CACNA1F: variants seen among roughly 807,000 people sequenced by gnomAD.
The protein encoded by CACNA1F is voltage-dependent L-type calcium channel subunit alpha-1F.
Under a neutral mutation model 143.8 loss-of-function variants are expected in CACNA1F, and 59 were observed. That is an observed-to-expected ratio of 0.41 (90% CI 0.33 to 0.51). The LOEUF is 0.51. Ranked by LOEUF, CACNA1F falls within the 20% of genes least tolerant of loss-of-function variation. CACNA1F has a pLI of 0.22. For missense variants in CACNA1F, 1,411 were observed against 1,647.5 expected (o/e 0.86, Z 2.48); for synonymous variants, 643 against 649.1 (o/e 0.99, Z 0.14).
intron 2 of CACNA1F, 65 bp from the exon 3 acceptor site, chrX:49,231,372 C>A: frequency 3.6e-6 from 3 of 836,468 alleles, no homozygotes; most frequent in Non-Finnish European, 5.3e-6. Flanking sequence ...CCCTTGGGAA[C>A]CTCCCACCCA....
chrX:49,215,043 A>C, intron 29 of CACNA1F, 43 bp downstream of exon 29: 1 of 1,156,853 alleles, frequency 8.6e-7, no homozygotes, highest in Non-Finnish European at 1.2e-6. Flanking sequence ...TGTGGAGATA[A>C]TAGGGTCAGG....
rs1355566456 is a variant in CACNA1F, at chrX:49,211,551, G to A, written c.4101-70C>T. 5 of 931,395 alleles carry A rather than the reference G, an allele frequency of 5.4e-6. No individual in the cohort carries two copies. The African/African-American group carries it at 9.7e-5, about 18-fold the overall frequency. 76.8% of individuals were successfully genotyped at this position (931,395 alleles called of 1,213,427 possible). On this transcript the variant is annotated intron_variant, in intron 35 of 47. Transcript: ENST00000323022. The stretch of plus-strand genomic sequence containing the variant: ...GAAGTCATGGTAAATGGAGTTGGGG[G>A]AGGACTGGGGAATGAGGAGATGACC...
Position 49,224,807 on chromosome X carries a change from A to T in CACNA1F, c.1831T>A (p.Ser611Thr). ...EVGAMQPLGI[S>T]VLRCVRLLRI... Reference sequence around the variant, plus strand: ...AGGAGGCGCACACATCGGAGCACTGAGATGCCCAAGGGCTGCATGGCACCC... The same window carrying T: ...AGGAGGCGCACACATCGGAGCACTGTGATGCCCAAGGGCTGCATGGCACCC... The change falls in exon 14 of 48, where the codon TCA (serine) becomes ACA (threonine). Residue 611 changes from serine to threonine, a missense_variant. Transcript: ENST00000323022. 8.4e-7 allele frequency: 1 copy of T among 1,195,377 alleles called. No individual in the cohort carries two copies. Among genetic ancestry groups the T allele is most frequent in the Non-Finnish European group, 1.1e-6 (1 of 886,300 alleles).
chrX:49,209,568 G>A, intron 41 of CACNA1F, 61 bp downstream of exon 41: 1 of 1,192,204 alleles, frequency 8.4e-7, no homozygotes, highest in Non-Finnish European at 1.1e-6. Context: ...CAAAATGGGG[G>A]TCAGCCTCAG....
chrX:49,220,993 T>C, intron 18 of CACNA1F, 42 bp downstream of exon 18: 1 of 1,063,301 alleles, frequency 9.4e-7, no homozygotes, highest in African/African-American at 1.8e-5. Flanking sequence ...CAGGTAGTGG[T>C]GGGAGTGGGA....
rs781882483 is a variant in CACNA1F at position 49,214,261 on chromosome X, C to T, written c.3606G>A (p.Glu1202=). 1 of 1,146,685 alleles carries T rather than the reference C, an allele frequency of 8.7e-7. No individual in the cohort carries two copies. The highest frequency in any genetic ancestry group is 1.8e-5 in the South Asian group (1 of 55,617). 94.5% of individuals were successfully genotyped at this position (1,146,685 alleles called of 1,213,427 possible). The part of the protein sequence containing the change: ...NTVALAMQHY[E]QTAPFNYAMD... ...TGGCATAGTTGAAGGGAGCAGTCTGCTCATAGTGCTGCAGGAGAAAATCAG... is the reference window on the plus strand; with the variant it reads ...TGGCATAGTTGAAGGGAGCAGTCTGTTCATAGTGCTGCAGGAGAAAATCAG... The change falls in exon 30 of 48, where the codon GAG becomes GAA. Residue 1202 remains glutamate (E), a synonymous_variant. Coordinates refer to ENST00000323022, the MANE Select transcript of CACNA1F (RefSeq NM_001256789.3).
intron 43 of CACNA1F, 84 bp downstream of exon 43, chrX:49,208,431 C>CCAA: frequency 9.8e-6 from 6 of 611,277 alleles, no homozygotes; most frequent in African/African-American, 2.3e-5. Flanking sequence ...CCACCCCCCT[C>CCAA]AACTTCCTGC....
At position 49,230,924 on chromosome X, in the gene CACNA1F, G is replaced by A. The variant is rs1557111186; in HGVS notation, c.447C>T (p.Tyr149=). ...AGGCGCTGGGGTGGAGCACCAGCCCGTAGGCCACGATCTTGAGCACCGTCT... is the reference window on the plus strand; with the variant it reads ...AGGCGCTGGGGTGGAGCACCAGCCCATAGGCCACGATCTTGAGCACCGTCT... ...TVETVLKIVA[Y]GLVLHPSAYI... is the part of the protein sequence containing the mutation. The change falls in exon 4 of 48, where the codon TAC becomes TAT. Residue 149 remains tyrosine, a synonymous_variant. Transcript: ENST00000323022. The A allele has an allele frequency of 1.7e-6, 2 of 1,172,611 alleles. No homozygotes were observed. The highest frequency in any genetic ancestry group is 4.6e-5 in the Admixed American group (2 of 43,589).
rs782337448 is a variant in CACNA1F, at chrX:49,205,189, C to A, written c.5849G>T (p.Arg1950Leu). The A allele has an allele frequency of 4.1e-6, 5 of 1,210,765 alleles. No homozygotes were observed. In the Admixed American group the frequency reaches 1.1e-4, roughly 26 times the overall value. The change falls in exon 48 of 48, where the codon CGC (arginine) becomes CTC (leucine). Residue 1950 changes from arginine to leucine, a missense_variant. By Grantham distance (102) the Arg-to-Leu change is moderately radical. Around this residue, in one of 3 missense-constraint regions of CACNA1F, gnomAD observed 349 missense variants for 350.2 expected, o/e 1.00. Coordinates refer to ENST00000323022, the MANE Select transcript of CACNA1F (RefSeq NM_001256789.3). ...LYSDEESILS[R>L]FDEEDLGDEM... ...GTCTCCCAAGTCCTCCTCATCGAAG[C>A]GGGAGAGGATGGACTCCTCGTCGCT... is the stretch of plus-strand genomic sequence containing the variant.
At position 49,217,745 on chromosome X, in the gene CACNA1F, G is replaced by C. The variant is rs1356105473; in HGVS notation, c.3089+10C>G. 1 of 1,201,975 alleles carries C rather than the reference G, an allele frequency of 8.3e-7. No homozygotes were observed. Among genetic ancestry groups the C allele is most frequent in the Non-Finnish European group, 1.1e-6 (1 of 888,866 alleles). ...TGAGCTCCGTGGACGGCAGGGTCTT[G>C]GGCACTCACTTGCATTCTTGAGGGG... On this transcript the variant is annotated intron_variant, in intron 26 of 47. Transcript: ENST00000323022.
At position 49,213,012 on chromosome X, in the gene CACNA1F, C is replaced by G; in HGVS notation, c.3793-18G>C. 8.4e-7 allele frequency: 1 copy of G among 1,192,218 alleles called. No individual in the cohort carries two copies. Among genetic ancestry groups the G allele is most frequent in the East Asian group, 3.0e-5 (1 of 33,486 alleles). On this transcript the variant is annotated intron_variant, in intron 31 of 47. Transcript: ENST00000323022. ...CCACCATTCTGGAGGGAGATATGGC[C>G]AAGAAAAAGGTGATACAGGAGATGA... is the stretch of plus-strand genomic sequence containing the variant.
In CACNA1F at chrX:49,229,446, G is replaced by A. The variant is rs782329787; in HGVS notation, c.817+774C>T. 2.0e-4 allele frequency among the ~76,000 whole-genome samples: 22 copies of A among 110,365 alleles called. 1 individual carries two copies. The South Asian group carries it at 4.2e-3, about 21-fold the overall frequency. ...TGCTGGGATTACAGGCGTGAACCAC[G>A]GCGCCCAGCCGAGGATAAAGTTTTT... On this transcript the variant is annotated intron_variant, in intron 6 of 47. Coordinates refer to ENST00000323022, the MANE Select transcript of CACNA1F (RefSeq NM_001256789.3).
rs782221693 is a variant in CACNA1F at position 49,206,666 on chromosome X, G to A, written c.5360-43C>T. On this transcript the variant is annotated intron_variant, in intron 45 of 47. Coordinates refer to ENST00000323022, the MANE Select transcript of CACNA1F (RefSeq NM_001256789.3). ...ACCAGGGGCAAATAGCAATGTCAGT[G>A]CTTCCCCAGATCTCTGTCCTGCAGG... 7.5e-6 allele frequency: 9 copies of A among 1,207,987 alleles called. No individual in the cohort carries two copies. In the East Asian group the frequency reaches 1.5e-4, roughly 20 times the overall value.
In CACNA1F at chrX:49,208,533, G is replaced by T. The variant is rs1557105430; in HGVS notation, c.5105C>A (p.Ala1702Asp). The T allele has an allele frequency of 8.3e-7, 1 of 1,207,952 alleles. No individual in the cohort carries two copies. Residue 1702 changes from alanine (A) to aspartate (D), a missense_variant, in exon 43 of 48, where the codon GCT (alanine) becomes GAT (aspartate). By Grantham distance (126) the Ala-to-Asp change is moderately radical. This residue lies in a region of CACNA1F where 349 missense variants were observed against 350.2 expected (regional missense o/e 1.00). Coordinates refer to ENST00000323022, the MANE Select transcript of CACNA1F (RefSeq NM_001256789.3). ...ATAATACCTGTGGGTGTTGGATCCAGCCTGGGGCACACTGGGCTGACTGGA... is the reference window on the plus strand; with the variant it reads ...ATAATACCTGTGGGTGTTGGATCCATCCTGGGGCACACTGGGCTGACTGGA... Reference protein sequence around the residue: ...PTSSQPSVPQAGSNTHRRGSG... With the variant: ...PTSSQPSVPQDGSNTHRRGSG...
At position 49,224,771 on chromosome X, in the gene CACNA1F, T is replaced by C; in HGVS notation, c.1867A>G (p.Lys623Glu). 1 of 1,169,871 alleles carries C rather than the reference T, an allele frequency of 8.5e-7. No individual in the cohort carries two copies. The highest frequency in any genetic ancestry group is 1.1e-6 in the Non-Finnish European group (1 of 870,768). The change falls in exon 14 of 48, where the codon AAG becomes GAG. Residue 623 changes from lysine to glutamate, a missense_variant. Lys to Glu is a moderately conservative substitution (Grantham distance 56, BLOSUM62 1). Around this residue, in one of 3 missense-constraint regions of CACNA1F, gnomAD observed 950 missense variants for 1,128.1 expected, o/e 0.84. Coordinates refer to ENST00000323022, the MANE Select transcript of CACNA1F (RefSeq NM_001256789.3). ...TCCCCTAATACAAACCTGGTGACCT[T>C]AAAGATCCTGAGGAGGCGCACACAT... ...LRCVRLLRIF[K>E]VTRHWASLSN...
At position 49,215,157 on chromosome X, in the gene CACNA1F, C is replaced by T; in HGVS notation, c.3526G>A (p.Val1176Met). Residue 1176 changes from valine (V) to methionine (M), a missense_variant, in exon 29 of 48, where the codon GTG becomes ATG. By Grantham distance (21) the Val-to-Met change is conservative. Coordinates refer to ENST00000323022, the MANE Select transcript of CACNA1F (RefSeq NM_001256789.3). ...AGGTACTCAAAGGCAGCAGAGTTCA[C>T]AGTGGCCCACACACGATACTGATGC... ...NPHQYRVWAT[V>M]NSAAFEYLMF... is the part of the protein sequence containing the mutation. 8.3e-7 allele frequency: 1 copy of T among 1,209,500 alleles called. No homozygotes were observed. Among genetic ancestry groups the T allele is most frequent in the Non-Finnish European group, 1.1e-6 (1 of 893,618 alleles).
Position 49,223,031 on chromosome X carries a change from C to A in CACNA1F, c.1983G>T (p.Leu661=). 4 of 1,200,680 alleles carry A rather than the reference C, an allele frequency of 3.3e-6. No homozygotes were observed. The highest frequency in any genetic ancestry group is 4.5e-6 in the Non-Finnish European group (4 of 889,434). Reference sequence around the variant, plus strand: ...TGCCCCCAAACAGCTGCATGCCAAGCAGGGAGAAGATAATGATGAAGAGGA... The same window carrying A: ...TGCCCCCAAACAGCTGCATGCCAAGAAGGGAGAAGATAATGATGAAGAGGA... The part of the protein sequence containing the change: ...LLFLFIIIFS[L]LGMQLFGGKF... Residue 661 remains leucine (L), a synonymous_variant, in exon 15 of 48, where the codon CTG becomes CTT. Coordinates refer to ENST00000323022, the MANE Select transcript of CACNA1F (RefSeq NM_001256789.3).
intron 21 of CACNA1F, 29 bp from the exon 22 acceptor site, chrX:49,218,970 C>A: frequency 8.8e-7 from 1 of 1,135,149 alleles, no homozygotes; most frequent in Non-Finnish European, 1.2e-6. Context: ...CGGGGAGCCA[C>A]TGAGTCACGG....
chrX:49,208,023 G>A (rs1281383031), intron 43 of CACNA1F, among the ~76,000 whole-genome samples: 1 of 99,380 alleles, frequency 1.0e-5, no homozygotes, highest in East Asian at 3.2e-4. Context: ...GCAAAACCTC[G>A]TCTCTACTGA....
Sources: gnomAD v4.1 joint callset for allele counts (sites outside exome capture counted in the v4.1 genomes callset) on GRCh38, gnomAD v4.1.1 for gene constraint, gnomAD v4.1.1 regional missense constraint, MANE v1.5 for transcripts, NCBI Gene and HGNC (gene_info 2026-07-23, HGNC 2026-07-21) for gene names.